DACH2: variants seen among roughly 807,000 people sequenced by gnomAD.
DACH2 encodes dachshund homolog 2.
In DACH2, 17 loss-of-function variants were observed where a neutral mutation model predicts 35.8. The observed-to-expected ratio is 0.48, with a 90% CI of 0.33 to 0.71. The LOEUF is 0.71. Among genes scored for constraint, DACH2 ranks in the 30% least tolerant of loss-of-function variants. The pLI, the probability that DACH2 is intolerant of heterozygous loss-of-function variation, is 0.02. For missense variants in DACH2, 469 were observed against 472.7 expected (o/e 0.99, Z 0.07); for synonymous variants, 195 against 177.3 (o/e 1.10, Z -0.79).
At chrX:86,679,262 T>C (rs1180400965) in intron 4 of DACH2, among the ~76,000 whole-genome samples, 1 of 111,867 alleles carries the variant, frequency 8.9e-6, no homozygotes, top group Non-Finnish European at 1.9e-5. Flanking sequence ...TTTCTTAGGC[T>C]ACTCTGTATA....
intron 4 of DACH2, among the ~76,000 whole-genome samples, chrX:86,688,622 C>T (rs1162312370): frequency 9.0e-6 from 1 of 111,703 alleles, no homozygotes; most frequent in Non-Finnish European, 1.9e-5. Context: ...CAAAAATTTC[C>T]CATTGAAACA....
intron 2 of DACH2, among the ~76,000 whole-genome samples, chrX:86,414,878 T>C (rs1312979578): frequency 9.0e-6 from 1 of 111,593 alleles, no homozygotes; most frequent in Non-Finnish European, 1.9e-5. Context: ...CTTGAACCAC[T>C]CACGGTACCA....
chrX:86,689,396 A>ATG (rs2040984625), intron 4 of DACH2, among the ~76,000 whole-genome samples: 1 of 111,134 alleles, frequency 9.0e-6, no homozygotes, highest in South Asian at 3.7e-4. Flanking sequence ...TTGTGTCTAT[A>ATG]TGTGTGTGTG....
chrX:86,184,532 T>A (rs2031624821), intron 1 of DACH2, among the ~76,000 whole-genome samples: 1 of 111,527 alleles, frequency 9.0e-6, no homozygotes, highest in Non-Finnish European at 1.9e-5. Context: ...AGTTTGAATA[T>A]ATGGGAATAG....
At chrX:86,671,758 G>C (rs1216673328) in intron 4 of DACH2, among the ~76,000 whole-genome samples, 1 of 111,881 alleles carries the variant, frequency 8.9e-6, no homozygotes, top group Non-Finnish European at 1.9e-5. Context: ...CAGAATATTA[G>C]TACTGAGGAG....
At chrX:86,262,910 GAAAC>G (rs1288787657) in intron 1 of DACH2, 19 of 564,194 alleles carry the variant, frequency 3.4e-5, no homozygotes, top group East Asian at 1.7e-4. Context: ...GAAATAGAAA[GAAAC>G]AAACAATCTC....
chrX:86,168,375 C>T (rs899245463), intron 1 of DACH2, among the ~76,000 whole-genome samples: 6 of 110,730 alleles, frequency 5.4e-5, no homozygotes, highest in Admixed American at 9.6e-5. Flanking sequence ...CTTTGGTTTC[C>T]ATTGACATGG....
intron 3 of DACH2, among the ~76,000 whole-genome samples, chrX:86,592,097 C>T (rs1191535370): frequency 9.0e-6 from 1 of 110,844 alleles, no homozygotes; most frequent in Non-Finnish European, 1.9e-5. Context: ...AAGTCTTCAT[C>T]AAACCCAAGG....
At chrX:86,524,898 G>A (rs1030361951) in intron 3 of DACH2, among the ~76,000 whole-genome samples, 4 of 111,088 alleles carry the variant, frequency 3.6e-5, no homozygotes, top group African/African-American at 1.3e-4. Context: ...AATCTATATA[G>A]TGCTTTACCA....
intron 5 of DACH2, among the ~76,000 whole-genome samples, chrX:86,698,519 G>GTTTTTTTTT (rs1378300889): frequency 0.037 from 1,194 of 31,978 alleles, 140 homozygotes; most frequent in Admixed American, 0.083. Flanking sequence ...TGTTAGTTTT[G>GTTTTTTTTT]TGTTTTTTTT....
chrX:86,774,070 AC>A (rs940815049), intron 7 of DACH2, among the ~76,000 whole-genome samples: 7 of 111,711 alleles, frequency 6.3e-5, no homozygotes, highest in Non-Finnish European at 1.1e-4. Context: ...CTATGTACCC[AC>A]AAAAATTAAA....
intron 2 of DACH2, among the ~76,000 whole-genome samples, chrX:86,510,334 G>A (rs1033435997): frequency 6.2e-5 from 7 of 112,049 alleles, no homozygotes; most frequent in African/African-American, 2.3e-4. Context: ...ATCACAGAAT[G>A]TGTCCTATCT....
intron 1 of DACH2, among the ~76,000 whole-genome samples, chrX:86,312,671 C>T (rs1489805712): frequency 1.8e-5 from 2 of 111,786 alleles, no homozygotes; most frequent in African/African-American, 3.2e-5. Flanking sequence ...CTGGCCTAGC[C>T]TCCCAGCCTA....
rs749001729 is a variant in DACH2 at position 86,832,093 on chromosome X, C to T, written c.1751-13C>T. ...CTCTTCATAAGAACTAACTTGTTTT[C>T]TTTTTTTTTAAGGAGGTAACTATTA... On this transcript the variant is annotated splice_polypyrimidine_tract_variant and intron_variant, in intron 11 of 11. Coordinates refer to ENST00000373125, the MANE Select transcript of DACH2 (RefSeq NM_053281.3). 2 of 1,104,293 alleles carry T rather than the reference C, an allele frequency of 1.8e-6. No homozygotes were observed. The highest frequency in any genetic ancestry group is 2.5e-6 in the Non-Finnish European group (2 of 812,468). 91.0% of individuals were successfully genotyped at this position (1,104,293 alleles called of 1,213,427 possible). A position where few individuals can be genotyped will look rare whatever the true frequency, so the allele number is the denominator to read the frequency against.
At position 86,546,503 on chromosome X, in the gene DACH2, CTTT is replaced by C. The variant is rs35560036; in HGVS notation, c.640+32129_640+32131del. Among the ~76,000 whole-genome samples, 337 of 69,802 alleles carry C rather than the reference CTTT, an allele frequency of 4.8e-3. 4 individuals carry two copies. The highest frequency in any genetic ancestry group is 0.02 in the African/African-American group (321 of 16,377). The allele number at this position is 69,802 out of a possible 115,157, so 60.6% of individuals were successfully genotyped here. ...CTTCTTCCTCTTCTTCTTCTTCTTT[CTTT>C]TTTTTTTTTTTTTTTTAAGACAGAG... On this transcript the variant is annotated intron_variant, in intron 3 of 11. Coordinates refer to ENST00000373125, the MANE Select transcript of DACH2 (RefSeq NM_053281.3).
intron 7 of DACH2, among the ~76,000 whole-genome samples, chrX:86,752,951 G>A (rs900392143): frequency 9.1e-6 from 1 of 110,480 alleles, no homozygotes; most frequent in African/African-American, 3.3e-5. Context: ...TATTAATATA[G>A]AATTAGCAAT....
intron 3 of DACH2, among the ~76,000 whole-genome samples, chrX:86,624,007 C>T (rs1265162451): frequency 2.4e-4 from 20 of 82,192 alleles, no homozygotes; most frequent in African/African-American, 9.4e-4. Context: ...GAGATCGCGC[C>T]ACTGCACTCC....
intron 1 of DACH2, among the ~76,000 whole-genome samples, chrX:86,311,918 T>G (rs918154850): frequency 4.5e-5 from 5 of 111,363 alleles, no homozygotes; most frequent in Non-Finnish European, 9.4e-5. Flanking sequence ...TCTTTTAGTA[T>G]TACCATGCCC....
At chrX:86,417,384 G>T (rs779621182) in intron 2 of DACH2, among the ~76,000 whole-genome samples, 43 of 111,813 alleles carry the variant, frequency 3.8e-4, no homozygotes, top group Non-Finnish European at 7.7e-4. Flanking sequence ...CCTGAGATGG[G>T]TCAATTTACA....
Sources: gnomAD v4.1 joint callset for allele counts (sites outside exome capture counted in the v4.1 genomes callset) on GRCh38, gnomAD v4.1.1 for gene constraint, MANE v1.5 for transcripts, NCBI Gene and HGNC (gene_info 2026-07-23, HGNC 2026-07-21) for gene names.